The following ROBO2 variants were observed in gnomAD, a reference collection of about 807,000 sequenced individuals.
ROBO2 encodes the protein roundabout guidance receptor 2.
A neutral mutation model predicts 160.8 loss-of-function variants in ROBO2; 53 were observed. That is an observed-to-expected ratio of 0.33 (90% CI 0.26 to 0.41). The LOEUF (loss-of-function observed/expected upper bound fraction) is 0.41, where lower values mean the gene tolerates loss of function less well. ROBO2 is among the 10% of genes least tolerant of loss of function. The pLI is 1.00. For synonymous variants in ROBO2, 664 were observed against 611.7 expected (o/e 1.09, Z -1.26); for missense variants, 1,577 against 1,722.4 (o/e 0.92, Z 1.49).
chr3:75,960,524 C>T (rs1014143944), intron 2 of ROBO2, among the ~76,000 whole-genome samples: 16 of 151,788 alleles, frequency 1.1e-4, no homozygotes, highest in African/African-American at 3.6e-4. Context: ...ATATATATAA[C>T]TTCTAATATT....
At chr3:77,220,065 C>T (rs1409140240) in intron 2 of ROBO2, among the ~76,000 whole-genome samples, 1 of 151,924 alleles carries the variant, frequency 6.6e-6, no homozygotes, top group Non-Finnish European at 1.5e-5. Flanking sequence ...GGCTGGAGTG[C>T]AGTGGTGCGA....
intron 2 of ROBO2, among the ~76,000 whole-genome samples, chr3:77,269,855 T>C (rs1254995248): frequency 1.3e-5 from 2 of 152,196 alleles, no homozygotes; most frequent in African/African-American, 4.8e-5. Context: ...ATTTTCTCTC[T>C]AATTATAATT....
chr3:76,398,620 A>G (rs1169296296), intron 2 of ROBO2, among the ~76,000 whole-genome samples: 2 of 151,812 alleles, frequency 1.3e-5, no homozygotes, highest in South Asian at 2.1e-4. Flanking sequence ...GGCAGTATAC[A>G]CTAAACTAAT....
At chr3:76,911,102 G>A (rs2075966536) in intron 2 of ROBO2, among the ~76,000 whole-genome samples, 1 of 152,062 alleles carries the variant, frequency 6.6e-6, no homozygotes. Context: ...AACTAAGCAG[G>A]AACTTATTTT....
At chr3:76,659,766 C>T (rs991201095) in intron 2 of ROBO2, among the ~76,000 whole-genome samples, 1 of 152,110 alleles carries the variant, frequency 6.6e-6, no homozygotes, top group African/African-American at 2.4e-5. Context: ...AAAGTAAATA[C>T]ATAAATAAAC....
At chr3:76,685,032 C>T (rs1174464498) in intron 2 of ROBO2, among the ~76,000 whole-genome samples, 1 of 151,770 alleles carries the variant, frequency 6.6e-6, no homozygotes, top group Non-Finnish European at 1.5e-5. Flanking sequence ...CCCCCACCCC[C>T]AGAAGGAAAA....
chr3:76,024,666 TG>T, intron 2 of ROBO2, among the ~76,000 whole-genome samples: 1 of 151,724 alleles, frequency 6.6e-6, no homozygotes, highest in East Asian at 1.9e-4. Flanking sequence ...AAAAATGAAT[TG>T]GAAAAATGAA....
At chr3:76,278,193 A>T (rs1180550040) in intron 2 of ROBO2, among the ~76,000 whole-genome samples, 2 of 152,012 alleles carry the variant, frequency 1.3e-5, no homozygotes, top group African/African-American at 4.8e-5. Flanking sequence ...GAGTAGAATC[A>T]AGCTTCAGAA....
At chr3:76,987,518 C>T (rs1417976648) in intron 2 of ROBO2, among the ~76,000 whole-genome samples, 2 of 152,206 alleles carry the variant, frequency 1.3e-5, no homozygotes, top group South Asian at 4.1e-4. Context: ...CAAAATATAA[C>T]TCAAAACCTA....
intron 2 of ROBO2, among the ~76,000 whole-genome samples, chr3:76,540,178 G>A (rs933831408): frequency 1.4e-4 from 21 of 152,166 alleles, no homozygotes; most frequent in Non-Finnish European, 1.9e-4. Context: ...CTTAAAGGAG[G>A]AGAAGAATAT....
At chr3:76,348,479 C>T (rs2074672011) in intron 2 of ROBO2, among the ~76,000 whole-genome samples, 2 of 152,056 alleles carry the variant, frequency 1.3e-5, no homozygotes, top group African/African-American at 4.8e-5. Flanking sequence ...AAGTGAAGAC[C>T]TCTACTAATG....
intron 2 of ROBO2, among the ~76,000 whole-genome samples, chr3:77,133,801 G>A (rs916346531): frequency 6.6e-6 from 1 of 152,028 alleles, no homozygotes; most frequent in East Asian, 1.9e-4. Context: ...TACCATATTT[G>A]TTTGTTATAT....
intron 1 of ROBO2, among the ~76,000 whole-genome samples, chr3:75,913,614 G>A: frequency 6.6e-6 from 1 of 152,106 alleles, no homozygotes. Flanking sequence ...TAAAATGTAA[G>A]TAAAAGTATT....
chr3:76,603,340 AAAAAAAAAAAAATATAT>A (rs1355161042), intron 2 of ROBO2, among the ~76,000 whole-genome samples: 28 of 52,026 alleles, frequency 5.4e-4, no homozygotes, highest in Middle Eastern at 7.6e-3. Context: ...TCCAAAAAAA[AAAAAAAAAAAAATATAT>A]ATATATATAT....
At chr3:77,542,388 T>C (rs1280486677) in intron 6 of ROBO2, among the ~76,000 whole-genome samples, 1 of 152,230 alleles carries the variant, frequency 6.6e-6, no homozygotes, top group East Asian at 1.9e-4. Context: ...TTTCATTTTT[T>C]AAAATTAAAA....
intron 2 of ROBO2, among the ~76,000 whole-genome samples, chr3:76,528,942 T>C (rs1365937558): frequency 6.6e-6 from 1 of 152,032 alleles, no homozygotes; most frequent in Non-Finnish European, 1.5e-5. Flanking sequence ...CATATTCTGA[T>C]AGGCCAAGTA....
intron 2 of ROBO2, among the ~76,000 whole-genome samples, chr3:76,254,808 G>A (rs910611703): frequency 3.3e-5 from 5 of 151,714 alleles, no homozygotes; most frequent in South Asian, 2.1e-4. Context: ...TTTCAACATC[G>A]ATCAATATCC....
intron 2 of ROBO2, among the ~76,000 whole-genome samples, chr3:77,376,297 G>A (rs1316920065): frequency 6.6e-6 from 1 of 151,054 alleles, no homozygotes; most frequent in Non-Finnish European, 1.5e-5. Context: ...AGGTATTACA[G>A]GCCTGCACCA....
At chr3:75,928,723 T>C (rs1947390672) in intron 1 of ROBO2, among the ~76,000 whole-genome samples, 1 of 152,240 alleles carries the variant, frequency 6.6e-6, no homozygotes, top group Non-Finnish European at 1.5e-5. Flanking sequence ...GAACGATCTA[T>C]GTACTTTCAA....
Sources: gnomAD v4.1 joint callset for allele counts (sites outside exome capture counted in the v4.1 genomes callset) on GRCh38, gnomAD v4.1.1 for gene constraint, MANE v1.5 for transcripts, NCBI Gene and HGNC (gene_info 2026-07-23, HGNC 2026-07-21) for gene names.